UVSSA: variants seen among roughly 807,000 people sequenced by gnomAD.
The protein encoded by UVSSA is UV stimulated scaffold protein A.
UVSSA carries 72 observed loss-of-function variants against 73.9 expected under a neutral mutation model. The ratio of observed to expected loss-of-function variants is 0.97; its 90% CI spans 0.81 to 1.19. UVSSA has a LOEUF of 1.19. UVSSA is among the 50% of genes most tolerant of loss of function. UVSSA has a pLI of 0.00. For missense variants in UVSSA, 1,150 were observed against 965.0 expected (o/e 1.19, Z -2.54); for synonymous variants, 454 against 391.3 (o/e 1.16, Z -1.89).
chr4:1,355,338 C>T (rs536449096), intron 7 of UVSSA, 93 bp downstream of exon 7: 31 of 1,308,554 alleles, frequency 2.4e-5, no homozygotes, highest in Non-Finnish European at 2.9e-5. Flanking sequence ...CCTGTGGGCC[C>T]GGCGGACCCC....
intron 4 of UVSSA, 135 bp downstream of exon 4, chr4:1,351,970 G>A (rs1309608873): frequency 1.4e-6 from 2 of 1,406,650 alleles, no homozygotes; most frequent in Non-Finnish European, 1.9e-6. Flanking sequence ...GAGGATTCAG[G>A]TCGGGCCGGA....
intron 8 of UVSSA, among the ~76,000 whole-genome samples, chr4:1,371,998 T>G (rs1381420771): frequency 6.6e-6 from 1 of 152,224 alleles, no homozygotes; most frequent in Non-Finnish European, 1.5e-5. Flanking sequence ...GCATGGCTTC[T>G]TATGTTTTGA....
chr4:1,394,926 C>T, exon 14 of UVSSA: 1 of 1,459,602 alleles, frequency 6.9e-7, no homozygotes, highest in Non-Finnish European at 9.4e-7. Context: ...CCCGCCTGCT[C>T]ACACGTGCCC....
Position 1,362,601 on chromosome 4 carries a change from G to A in UVSSA, c.1177-3719G>A, listed in dbSNP as rs116736025. ...GATCTCCTTTCCTGGATTCTTGCTC[G>A]TCCAGAGCCCCCCCGCACCGGTGCC... On this transcript the variant is annotated intron_variant, in intron 7 of 13. Transcript: ENST00000389851. Among the ~76,000 whole-genome samples the A allele has an allele frequency of 3.6e-3, 547 of 152,242 alleles. 3 individuals are homozygous for A. The highest frequency in any genetic ancestry group is 0.012 in the African/African-American group (493 of 41,538).
At chr4:1,342,095 T>C (rs1399089980), upstream of UVSSA, among the ~76,000 whole-genome samples, 1 of 152,242 alleles carries the variant, frequency 6.6e-6, no homozygotes, top group South Asian at 2.1e-4. Flanking sequence ...GCAGACATTA[T>C]TTTCATTTCT....
rs746652550 is a variant in UVSSA at position 1,395,674 on chromosome 4, C to T, written c.*9713C>T. The T allele has an allele frequency of 1.2e-5, 20 of 1,611,220 alleles. No homozygotes were observed. In the African/African-American group the frequency reaches 1.5e-4, roughly 12 times the overall value. On this transcript the variant is annotated 3_prime_UTR_variant, in exon 14 of 14. Transcript: ENST00000511216. ...TGTGGAGTGCCTGCCTGCTCACACA[C>T]GTGCCCATGTGGAGTGCCCGCCTGC...
chr4:1,364,443 C>A lies in UVSSA; in HGVS notation c.1177-1877C>A, dbSNP rs1484401879. ...ACACCTGGGCTTTGTCTCTGGTGAACATGTGGGCTCCCGCCCTAGGGGTCA... is the reference window on the plus strand; with the variant it reads ...ACACCTGGGCTTTGTCTCTGGTGAAAATGTGGGCTCCCGCCCTAGGGGTCA... On this transcript the variant is annotated intron_variant, in intron 7 of 13. Transcript: ENST00000389851. 2.6e-5 allele frequency among the ~76,000 whole-genome samples: 4 copies of A among 152,338 alleles called. No homozygotes were observed. The South Asian group carries it at 6.2e-4, about 24-fold the overall frequency.
chr4:1,386,063 A>T lies in UVSSA; in HGVS notation c.*102A>T. The T allele has an allele frequency of 8.3e-7, 1 of 1,204,002 alleles. No individual in the cohort carries two copies. The highest frequency in any genetic ancestry group is 1.2e-6 in the Non-Finnish European group (1 of 819,970). 74.6% of individuals were successfully genotyped at this position (1,204,002 alleles called of 1,614,324 possible). On this transcript the variant is annotated 3_prime_UTR_variant, in exon 14 of 14. Coordinates refer to ENST00000389851, the MANE Select transcript of UVSSA (RefSeq NM_020894.4). ...TCTGGGCAGTAACCATGCTTTGTCT[A>T]TTACTGTGTTTGATGTAAAGAAATG...
intron 12 of UVSSA, among the ~76,000 whole-genome samples, chr4:1,382,788 C>A (rs983630163): frequency 1.3e-5 from 2 of 152,206 alleles, no homozygotes; most frequent in African/African-American, 4.8e-5. Flanking sequence ...GGCATTCCTC[C>A]GGGGATGTGC....
chr4:1,377,124 C>T (rs1484743707), intron 10 of UVSSA, among the ~76,000 whole-genome samples: 2 of 152,178 alleles, frequency 1.3e-5, no homozygotes, highest in African/African-American at 2.4e-5. Flanking sequence ...ATGTCAGAAC[C>T]TCCAGAGAGC....
At chr4:1,364,850 C>T (rs1717108987) in intron 7 of UVSSA, among the ~76,000 whole-genome samples, 1 of 152,198 alleles carries the variant, frequency 6.6e-6, no homozygotes, top group African/African-American at 2.4e-5. Flanking sequence ...CAGCCCCTCT[C>T]CTGGCCTGAG....
upstream of UVSSA, among the ~76,000 whole-genome samples, chr4:1,346,556 C>A (rs1346405996): frequency 6.6e-6 from 1 of 152,170 alleles, no homozygotes. Context: ...ACCTGCTGTG[C>A]GTCTGGCGCC....
chr4:1,342,170 A>T (rs772750066), upstream of UVSSA, among the ~76,000 whole-genome samples: 1 of 152,234 alleles, frequency 6.6e-6, no homozygotes, highest in Non-Finnish European at 1.5e-5. Context: ...TAACTGTACC[A>T]CAACTGCCAA....
chr4:1,354,138 T>G (rs1032750310), intron 5 of UVSSA, among the ~76,000 whole-genome samples: 15 of 152,228 alleles, frequency 9.9e-5, no homozygotes, highest in African/African-American at 3.6e-4. Context: ...CTGGGAGAAC[T>G]GATCCTCGGG....
intron 8 of UVSSA, among the ~76,000 whole-genome samples, chr4:1,368,741 G>A (rs1717650385): frequency 6.6e-6 from 1 of 152,262 alleles, no homozygotes. Flanking sequence ...CCCTGGTTGT[G>A]AAGGCACCTC....
At chr4:1,372,948 G>A (rs532062572) in intron 8 of UVSSA, among the ~76,000 whole-genome samples, 24 of 151,520 alleles carry the variant, frequency 1.6e-4, no homozygotes, top group African/African-American at 5.1e-4. Context: ...CTGCCCCCTG[G>A]CTTTTCTTTG....
exon 14 of UVSSA, chr4:1,395,905 C>T (rs1378117291): frequency 1.3e-6 from 2 of 1,584,930 alleles, no homozygotes; most frequent in Non-Finnish European, 1.7e-6. Context: ...AAATTGAATT[C>T]AGGACTGATT....
rs1222956047 is a variant in UVSSA, at chr4:1,385,983, G to A, written c.*22G>A. The stretch of plus-strand genomic sequence containing the variant: ...CTAGAGAGCGGGGCCCAGTGCACTG[G>A]CCATCAGCACTTTCTCCCTCTGCCA... On this transcript the variant is annotated 3_prime_UTR_variant, in exon 14 of 14. Coordinates refer to ENST00000389851, the MANE Select transcript of UVSSA (RefSeq NM_020894.4). 1.2e-6 allele frequency: 2 copies of A among 1,612,488 alleles called. No individual in the cohort carries two copies. The highest frequency in any genetic ancestry group is 1.7e-6 in the Non-Finnish European group (2 of 1,178,898).
intron 7 of UVSSA, among the ~76,000 whole-genome samples, chr4:1,365,351 G>A (rs576732505): frequency 4.6e-5 from 7 of 152,350 alleles, no homozygotes; most frequent in Non-Finnish European, 8.8e-5. Flanking sequence ...TGCCACAGCC[G>A]TGCTGTGTGC....
Sources: allele counts gnomAD v4.1 joint callset (sites outside exome capture counted in the v4.1 genomes callset), GRCh38; gene constraint gnomAD v4.1.1; transcripts MANE v1.5; gene names NCBI Gene and HGNC (gene_info 2026-07-23, HGNC 2026-07-21).